The following KHDRBS2 variants were observed in gnomAD, a reference collection of about 807,000 sequenced individuals.
KHDRBS2 encodes KH RNA binding domain containing, signal transduction associated 2.
Under a neutral mutation model 44.3 loss-of-function variants are expected in KHDRBS2, and 26 were observed. The ratio of observed to expected loss-of-function variants is 0.59; its 90% CI spans 0.43 to 0.81. KHDRBS2 has a LOEUF of 0.81. Among genes scored for constraint, KHDRBS2 ranks in the 40% least tolerant of loss-of-function variants. The probability of loss-of-function intolerance (pLI) is 0.00; values close to 1 mark genes in which losing one functional copy is unlikely to be tolerated. For missense variants in KHDRBS2, 476 were observed against 433.1 expected, an observed-to-expected ratio of 1.10 and a Z score of -0.88; for synonymous variants, 194 against 151.1, an observed-to-expected ratio of 1.28 and a Z score of -2.08.
chr6:61,615,233 C>A, the KHDRBS2 span, among the ~76,000 whole-genome samples: 195 of 58,516 alleles, frequency 3.3e-3, no homozygotes, highest in East Asian at 6.3e-3. Context: ...ACTCCATCTC[C>A]AAAAAAAAAA....
intron 6 of KHDRBS2, among the ~76,000 whole-genome samples, chr6:61,884,922 G>A (rs775885550): frequency 2.0e-5 from 3 of 151,958 alleles, no homozygotes; most frequent in African/African-American, 7.3e-5. Flanking sequence ...CAAAGTTTGT[G>A]GGGCCTCAAA....
intron 1 of KHDRBS2, among the ~76,000 whole-genome samples, chr6:62,228,403 C>G (rs1011009284): frequency 1.3e-5 from 2 of 151,476 alleles, no homozygotes; most frequent in African/African-American, 4.9e-5. Flanking sequence ...TCTATTTGAT[C>G]CTTTTCTCTT....
At chr6:62,239,849 C>A (rs963074544) in intron 1 of KHDRBS2, among the ~76,000 whole-genome samples, 4 of 151,794 alleles carry the variant, frequency 2.6e-5, no homozygotes, top group Non-Finnish European at 5.9e-5. Flanking sequence ...CCATGCCCGA[C>A]CAATTTTTGT....
At chr6:62,022,145 G>A (rs1267142667) in intron 3 of KHDRBS2, among the ~76,000 whole-genome samples, 3 of 150,996 alleles carry the variant, frequency 2.0e-5, no homozygotes, top group Admixed American at 6.6e-5. Context: ...ATTATCCCTC[G>A]GGGTTGGAAA....
chr6:61,582,998 A>G, the KHDRBS2 span, among the ~76,000 whole-genome samples: 1 of 151,836 alleles, frequency 6.6e-6, no homozygotes, highest in Admixed American at 6.6e-5. Context: ...ATAGTAATGT[A>G]AACTTCCTAT....
intron 1 of KHDRBS2, among the ~76,000 whole-genome samples, chr6:62,223,484 G>A (rs576392514): frequency 6.6e-6 from 1 of 152,254 alleles, no homozygotes; most frequent in South Asian, 2.1e-4. Flanking sequence ...ATTGTCTTGG[G>A]GATTAACATT....
At chr6:61,873,092 T>A (rs1303728127) in intron 6 of KHDRBS2, among the ~76,000 whole-genome samples, 1 of 152,088 alleles carries the variant, frequency 6.6e-6, no homozygotes, top group Non-Finnish European at 1.5e-5. Flanking sequence ...AGAAGATTTT[T>A]ATGACCTTGG....
chr6:61,865,588 G>C (rs1221905644), intron 6 of KHDRBS2, among the ~76,000 whole-genome samples: 1 of 152,076 alleles, frequency 6.6e-6, no homozygotes, highest in East Asian at 1.9e-4. Context: ...GATGGCATCT[G>C]GGTGGGGACA....
the KHDRBS2 span, among the ~76,000 whole-genome samples, chr6:61,662,636 A>G: frequency 1.6e-4 from 24 of 152,096 alleles, no homozygotes; most frequent in Admixed American, 4.6e-4. Flanking sequence ...GCAGCCAAAA[A>G]ACACATGAAA....
intron 6 of KHDRBS2, among the ~76,000 whole-genome samples, chr6:61,776,201 T>C (rs1230561399): frequency 2.0e-5 from 3 of 152,070 alleles, no homozygotes. Context: ...GAAGAAAACG[T>C]AGGCATTACC....
chr6:61,655,519 T>C, the KHDRBS2 span, among the ~76,000 whole-genome samples: 1 of 152,076 alleles, frequency 6.6e-6, no homozygotes, highest in Non-Finnish European at 1.5e-5. Context: ...TCTCCCAAAG[T>C]GTTGGGATTA....
intron 6 of KHDRBS2, among the ~76,000 whole-genome samples, chr6:61,850,996 C>A (rs546275614): frequency 6.6e-6 from 1 of 152,078 alleles, no homozygotes; most frequent in Non-Finnish European, 1.5e-5. Context: ...GACTACCTCA[C>A]CTGGTACCCT....
At chr6:61,806,534 C>A (rs1787196061) in intron 6 of KHDRBS2, among the ~76,000 whole-genome samples, 1 of 152,066 alleles carries the variant, frequency 6.6e-6, no homozygotes, top group South Asian at 2.1e-4. Flanking sequence ...GATTTGAACA[C>A]CCATTATATA....
chr6:62,217,568 A>G (rs1830226760), intron 1 of KHDRBS2, among the ~76,000 whole-genome samples: 1 of 151,850 alleles, frequency 6.6e-6, no homozygotes. Context: ...AGCAGCAGAG[A>G]TTGAAAAATA....
intron 2 of KHDRBS2, among the ~76,000 whole-genome samples, chr6:62,083,452 G>T (rs1797804312): frequency 6.6e-6 from 1 of 152,178 alleles, no homozygotes. Context: ...GGACCCAGGT[G>T]TGGGTGCAGG....
the KHDRBS2 span, among the ~76,000 whole-genome samples, chr6:61,608,600 C>T: frequency 1.3e-5 from 2 of 151,910 alleles, no homozygotes; most frequent in South Asian, 2.1e-4. Context: ...TCCCCCACCC[C>T]CCAACAGGCC....
At chr6:62,004,818 A>T (rs1178718478) in intron 3 of KHDRBS2, among the ~76,000 whole-genome samples, 1 of 152,188 alleles carries the variant, frequency 6.6e-6, no homozygotes, top group Non-Finnish European at 1.5e-5. Context: ...ATCCACCAAG[A>T]TCAAGTTGGC....
intron 6 of KHDRBS2, among the ~76,000 whole-genome samples, chr6:61,734,854 G>GT (rs1775077023): frequency 6.6e-6 from 1 of 152,108 alleles, no homozygotes; most frequent in Non-Finnish European, 1.5e-5. Flanking sequence ...CATCCATAAT[G>GT]TTTTTATGTG....
intron 6 of KHDRBS2, among the ~76,000 whole-genome samples, chr6:61,893,692 T>C (rs1015152792): frequency 1.3e-5 from 2 of 151,986 alleles, no homozygotes; most frequent in African/African-American, 4.8e-5. Context: ...AGGTGGGAAT[T>C]GAACAATGGG....
Sources: gnomAD v4.1 joint callset for allele counts (sites outside exome capture counted in the v4.1 genomes callset) on GRCh38, gnomAD v4.1.1 for gene constraint, MANE v1.5 for transcripts, NCBI Gene and HGNC (gene_info 2026-07-23, HGNC 2026-07-21) for gene names.